ASIC2: variants seen among roughly 807,000 people sequenced by gnomAD.
The protein encoded by ASIC2 is acid sensing ion channel subunit 2, also known as acid-sensing ion channel 2.
Under a neutral mutation model 57.3 loss-of-function variants are expected in ASIC2, and 25 were observed. The observed-to-expected ratio is 0.44, with a 90% CI of 0.32 to 0.61. The LOEUF (loss-of-function observed/expected upper bound fraction) is 0.61, where lower values mean the gene tolerates loss of function less well. Ranked by LOEUF, ASIC2 falls within the 20% of genes least tolerant of loss-of-function variation. The pLI, the probability that ASIC2 is intolerant of heterozygous loss-of-function variation, is 0.06. For synonymous variants in ASIC2, 319 were observed against 307.5 expected, an observed-to-expected ratio of 1.04 and a Z score of -0.39; for missense variants, 641 against 738.1, an observed-to-expected ratio of 0.87 and a Z score of 1.52.
At chr17:33,625,200 CATCT>C (rs144550506) in intron 1 of ASIC2, among the ~76,000 whole-genome samples, 10,920 of 151,146 alleles carry the variant, frequency 0.072, 415 homozygotes, top group Middle Eastern at 0.11. Context: ...TATTATCTGT[CATCT>C]ATCTATCTAT....
intron 1 of ASIC2, chr17:34,071,015 C>T (rs1159425992): frequency 2.0e-5 from 3 of 152,188 alleles, no homozygotes; most frequent in African/African-American, 7.2e-5. Flanking sequence ...TTCCCTGAAA[C>T]TCCAAGTTCT....
At chr17:34,060,317 A>G (rs1031424248) in intron 1 of ASIC2, among the ~76,000 whole-genome samples, 1 of 152,214 alleles carries the variant, frequency 6.6e-6, no homozygotes, top group African/African-American at 2.4e-5. Flanking sequence ...TCAAGGGAAT[A>G]TCCTGTGAGA....
intron 1 of ASIC2, among the ~76,000 whole-genome samples, chr17:33,712,466 G>C (rs1405684924): frequency 6.6e-6 from 1 of 152,066 alleles, no homozygotes; most frequent in Non-Finnish European, 1.5e-5. Flanking sequence ...TTAAAGCAAA[G>C]GATGTACTAT....
At chr17:33,584,162 C>G (rs2142001336) in intron 1 of ASIC2, among the ~76,000 whole-genome samples, 1 of 152,246 alleles carries the variant, frequency 6.6e-6, no homozygotes, top group South Asian at 2.1e-4. Context: ...TAATAAAACC[C>G]CCTCTACATC....
At chr17:33,324,958 C>T (rs1483649284) in intron 1 of ASIC2, among the ~76,000 whole-genome samples, 2 of 152,164 alleles carry the variant, frequency 1.3e-5, no homozygotes, top group African/African-American at 2.4e-5. Flanking sequence ...CCTGCCCAGT[C>T]CAGAGCCACA....
chr17:33,925,323 TC>T (rs1309050017), intron 1 of ASIC2, among the ~76,000 whole-genome samples: 1 of 152,232 alleles, frequency 6.6e-6, no homozygotes. Context: ...GCATGACACT[TC>T]TCGTCCTCCC....
intron 1 of ASIC2, among the ~76,000 whole-genome samples, chr17:33,824,707 T>C (rs1912852360): frequency 6.6e-6 from 1 of 152,122 alleles, no homozygotes; most frequent in Non-Finnish European, 1.5e-5. Flanking sequence ...ATTCTTGTGA[T>C]AGTGAATTAA....
chr17:33,500,444 A>T (rs1914066652), intron 1 of ASIC2, among the ~76,000 whole-genome samples: 1 of 152,302 alleles, frequency 6.6e-6, no homozygotes, highest in South Asian at 2.1e-4. Flanking sequence ...GCTCCTCCTT[A>T]TCTGAGGCCT....
chr17:33,812,441 G>A (rs1186868206), intron 1 of ASIC2, among the ~76,000 whole-genome samples: 2 of 152,148 alleles, frequency 1.3e-5, no homozygotes, highest in East Asian at 3.9e-4. Flanking sequence ...GGAGAGGAGA[G>A]CAAGACAATA....
intron 1 of ASIC2, among the ~76,000 whole-genome samples, chr17:33,687,976 G>A (rs759408553): frequency 1.3e-5 from 2 of 152,152 alleles, no homozygotes; most frequent in Non-Finnish European, 2.9e-5. Context: ...AGAAGGCCCA[G>A]AGGAGATTAA....
At chr17:33,507,009 C>A (rs1477642686) in intron 1 of ASIC2, among the ~76,000 whole-genome samples, 1 of 152,122 alleles carries the variant, frequency 6.6e-6, no homozygotes, top group Non-Finnish European at 1.5e-5. Flanking sequence ...CAGCCTGATT[C>A]ATTAGGAACT....
At chr17:34,098,215 C>T (rs953301557) in intron 1 of ASIC2, among the ~76,000 whole-genome samples, 12 of 152,164 alleles carry the variant, frequency 7.9e-5, no homozygotes, top group Admixed American at 2.0e-4. Context: ...GCAGACAAAG[C>T]GCATGGAAGC....
chr17:33,186,499 T>C (rs1312130811), intron 1 of ASIC2, among the ~76,000 whole-genome samples: 2 of 152,196 alleles, frequency 1.3e-5, no homozygotes, highest in Non-Finnish European at 2.9e-5. Context: ...TTTCAGACTA[T>C]GGAAATGATG....
intron 1 of ASIC2, among the ~76,000 whole-genome samples, chr17:33,336,004 C>G (rs903670015): frequency 2.6e-5 from 4 of 152,118 alleles, no homozygotes; most frequent in Non-Finnish European, 2.9e-5. Context: ...CCTTCTCCCT[C>G]TGTCCTTCTG....
chr17:33,990,612 C>T lies in ASIC2; in HGVS notation c.555+165366G>A, dbSNP rs113560936. On this transcript the variant is annotated intron_variant, in intron 1 of 9. Coordinates refer to the ASIC2 transcript ENST00000359872. ...CTCAATTTAGTTGTACAAACATTTA[C>T]GAGCCAGACACAGTGGAAATGGGGA... 3.2e-3 allele frequency among the ~76,000 whole-genome samples: 485 copies of T among 152,220 alleles called. 2 individuals are homozygous for T. The highest frequency in any genetic ancestry group is 0.011 in the African/African-American group (467 of 41,550).
At chr17:33,275,594 T>C (rs1904672528) in intron 1 of ASIC2, among the ~76,000 whole-genome samples, 1 of 152,190 alleles carries the variant, frequency 6.6e-6, no homozygotes, top group African/African-American at 2.4e-5. Context: ...AGCAAGTCAC[T>C]CCACTTGCCT....
chr17:33,738,378 C>T (rs1223447914), intron 1 of ASIC2, among the ~76,000 whole-genome samples: 1 of 152,192 alleles, frequency 6.6e-6, no homozygotes, highest in East Asian at 1.9e-4. Flanking sequence ...TTTTCATATG[C>T]TTCCAAAAGT....
chr17:33,618,708 A>G (rs1905683887), intron 1 of ASIC2, among the ~76,000 whole-genome samples: 1 of 152,144 alleles, frequency 6.6e-6, no homozygotes, highest in East Asian at 1.9e-4. Flanking sequence ...TTAGCCTGGC[A>G]TAACTGTCCT....
At chr17:33,143,334 T>C (rs1199180987) in intron 1 of ASIC2, among the ~76,000 whole-genome samples, 3 of 152,204 alleles carry the variant, frequency 2.0e-5, no homozygotes, top group Admixed American at 6.5e-5. Flanking sequence ...TTTTCAATAG[T>C]ATTAATCTCA....
Sources: gnomAD v4.1 joint callset for allele counts (sites outside exome capture counted in the v4.1 genomes callset) on GRCh38, gnomAD v4.1.1 for gene constraint, MANE v1.5 for transcripts, NCBI Gene and HGNC (gene_info 2026-07-23, HGNC 2026-07-21) for gene names.